Variants in MARCO observed in about 807,000 individuals in gnomAD.
The protein encoded by MARCO is macrophage receptor MARCO.
Under a neutral mutation model 70.0 loss-of-function variants are expected in MARCO, and 72 were observed. The observed-to-expected ratio is 1.03, with a 90% CI of 0.85 to 1.25. MARCO has a LOEUF of 1.25. MARCO is among the 50% of genes most tolerant of loss of function. The probability of loss-of-function intolerance (pLI) is 0.00; values close to 1 mark genes in which losing one functional copy is unlikely to be tolerated. For missense variants in MARCO, 696 were observed against 659.3 expected (o/e 1.06, Z -0.61); for synonymous variants, 273 against 243.1 (o/e 1.12, Z -1.14).
At chr2:118,965,222 T>C (rs1477776083) in intron 1 of MARCO, among the ~76,000 whole-genome samples, 2 of 152,192 alleles carry the variant, frequency 1.3e-5, no homozygotes, top group Admixed American at 1.3e-4. Flanking sequence ...TCTGAGGCTC[T>C]GTTCATGTGT....
Position 118,981,332 on chromosome 2 carries a change from T to C in MARCO, c.767-77T>C, listed in dbSNP as rs1680383923. 10 of 909,278 alleles carry C rather than the reference T, an allele frequency of 1.1e-5. No homozygotes were observed. In the South Asian group the frequency reaches 1.5e-4, roughly 14 times the overall value. The allele number at this position is 909,278 out of a possible 1,614,324, so 56.3% of individuals were successfully genotyped here. A position where few individuals can be genotyped will look rare whatever the true frequency, so the allele number is the denominator to read the frequency against. On this transcript the variant is annotated intron_variant, in intron 8 of 16. Transcript: ENST00000327097. Reference sequence around the variant, plus strand: ...TTTAGGGTTTGGGATTTCAGTGGAATGGGAAGTGTCAGAGGAGGACATGGT... The same window carrying C: ...TTTAGGGTTTGGGATTTCAGTGGAACGGGAAGTGTCAGAGGAGGACATGGT...
chr2:118,945,165 C>A (rs1190492982), intron 1 of MARCO, among the ~76,000 whole-genome samples: 1 of 152,170 alleles, frequency 6.6e-6, no homozygotes, highest in Non-Finnish European at 1.5e-5. Context: ...CTCTTTTGCC[C>A]CATCATCCAC....
chr2:118,972,225 C>A (rs1375841231), intron 4 of MARCO, among the ~76,000 whole-genome samples: 2 of 152,196 alleles, frequency 1.3e-5, no homozygotes, highest in Non-Finnish European at 1.5e-5. Flanking sequence ...TTTCTTCCTG[C>A]CTCAACCCAC....
At chr2:118,946,464 G>A (rs753034616) in intron 1 of MARCO, among the ~76,000 whole-genome samples, 8 of 151,950 alleles carry the variant, frequency 5.3e-5, no homozygotes, top group Non-Finnish European at 8.8e-5. Flanking sequence ...TTCACATAGT[G>A]TAATTCCTTT....
At chr2:118,980,160 C>T (rs948866928) in intron 8 of MARCO, among the ~76,000 whole-genome samples, 1 of 152,248 alleles carries the variant, frequency 6.6e-6, no homozygotes, top group African/African-American at 2.4e-5. Context: ...AAAAAGGCAC[C>T]AACAGATTCC....
chr2:118,975,439 A>G (rs1680261293), intron 6 of MARCO, among the ~76,000 whole-genome samples: 1 of 152,224 alleles, frequency 6.6e-6, no homozygotes, highest in African/African-American at 2.4e-5. Context: ...CACCAGTTAC[A>G]AGAAAGGAAA....
rs1399369530 is a variant in MARCO at position 118,942,236 on chromosome 2, G to A, written c.-65G>A. 3.0e-6 allele frequency: 3 copies of A among 1,010,298 alleles called. No homozygotes were observed. Among genetic ancestry groups the A allele is most frequent in the Non-Finnish European group, 4.7e-6 (3 of 641,380 alleles). 62.6% of individuals were successfully genotyped at this position (1,010,298 alleles called of 1,614,324 possible). On this transcript the variant is annotated 5_prime_UTR_variant, in exon 1 of 17. It adds an upstream start codon to the 5' untranslated region. Transcript: ENST00000327097. ...TTCGATGGGAAGGATCTTTCTCCAAGTGGTTCCTCTTGAGGGGAGCATTTC... is the reference window on the plus strand; with the variant it reads ...TTCGATGGGAAGGATCTTTCTCCAAATGGTTCCTCTTGAGGGGAGCATTTC...
chr2:118,990,700 A>G, intron 13 of MARCO, 67 bp downstream of exon 13: 2 of 1,507,222 alleles, frequency 1.3e-6, no homozygotes, highest in Non-Finnish European at 1.8e-6. Flanking sequence ...CTCAGAGGGC[A>G]GGTCTTGTTG....
At chr2:118,963,088 T>A (rs1679979662) in intron 1 of MARCO, among the ~76,000 whole-genome samples, 1 of 151,610 alleles carries the variant, frequency 6.6e-6, no homozygotes. Context: ...CTTCCTATTT[T>A]AAATTTTATT....
At position 118,974,410 on chromosome 2, in the gene MARCO, A is replaced by G; in HGVS notation, c.538A>G (p.Lys180Glu). The G allele has an allele frequency of 1.9e-6, 3 of 1,612,880 alleles. No homozygotes were observed. The highest frequency in any genetic ancestry group is 2.5e-6 in the Non-Finnish European group (3 of 1,179,626). ...PPGPPAEKGA[K>E]GAMGRDGATG... Reference sequence around the variant, plus strand: ...GGGACCACCTGCTGAGAAGGGAGCCAAGGGGGCTATGGGACGAGATGGAGC... The same window carrying G: ...GGGACCACCTGCTGAGAAGGGAGCCGAGGGGGCTATGGGACGAGATGGAGC... Residue 180 changes from lysine to glutamate, a missense_variant, in exon 5 of 17, where the codon AAG becomes GAG. This residue lies in a region of MARCO where 605 missense variants were observed against 537.6 expected (regional missense o/e 1.13). Transcript: ENST00000327097.
chr2:118,967,246 C>T (rs999797364), intron 1 of MARCO, among the ~76,000 whole-genome samples: 8 of 152,140 alleles, frequency 5.3e-5, no homozygotes, highest in Middle Eastern at 3.2e-3. Flanking sequence ...ACTGAACTTC[C>T]GAAGGATGAG....
At position 118,990,569 on chromosome 2, in the gene MARCO, C is replaced by CGGGGGGGGG; in HGVS notation, c.1064-20_1064-19insGGGGGGGGG. On this transcript the variant is annotated intron_variant, in intron 12 of 16. Transcript: ENST00000327097. ...AGTTTTATTATCTCCTCCCCCCCCC[C>CGGGGGGGGG]TTTTTTGTTTTGATCTTAGGACTTC... The CGGGGGGGGG allele has an allele frequency of 1.7e-5, 24 of 1,415,760 alleles. No individual in the cohort carries two copies. Among genetic ancestry groups the CGGGGGGGGG allele is most frequent in the Non-Finnish European group, 2.0e-5 (21 of 1,028,134 alleles). 87.7% of individuals were successfully genotyped at this position (1,415,760 alleles called of 1,614,324 possible). A position where few individuals can be genotyped will look rare whatever the true frequency, so the allele number is the denominator to read the frequency against.
chr2:118,957,618 A>G (rs1012479125), intron 1 of MARCO, among the ~76,000 whole-genome samples: 1 of 152,166 alleles, frequency 6.6e-6, no homozygotes, highest in African/African-American at 2.4e-5. Flanking sequence ...ACACTATTCC[A>G]CAAGACAGAG....
chr2:118,986,684 A>AAG (rs1558671831), intron 12 of MARCO, among the ~76,000 whole-genome samples: 3 of 62,950 alleles, frequency 4.8e-5, no homozygotes, highest in Non-Finnish European at 9.4e-5. Flanking sequence ...AAAGAAAGAA[A>AAG]GAAAGAAAGA....
At chr2:118,973,548 G>A (rs1032827502) in intron 4 of MARCO, among the ~76,000 whole-genome samples, 1 of 152,192 alleles carries the variant, frequency 6.6e-6, no homozygotes, top group African/African-American at 2.4e-5. Context: ...CCCACCCAGG[G>A]AGGCTGTGTT....
At chr2:118,942,767 C>T (rs982709886) in intron 1 of MARCO, among the ~76,000 whole-genome samples, 4 of 152,056 alleles carry the variant, frequency 2.6e-5, no homozygotes, top group East Asian at 3.9e-4. Context: ...AAGGGGACCA[C>T]AAAACTGAAG....
At position 118,994,330 on chromosome 2, in the gene MARCO, T is replaced by C; in HGVS notation, c.1430-57T>C. On this transcript the variant is annotated intron_variant, in intron 16 of 16. Coordinates refer to ENST00000327097, the MANE Select transcript of MARCO (RefSeq NM_006770.4). ...GCTCCCAGGCGCACACGTGGCTTCT[T>C]TGCTTTGACTCTAATCCTACCCTTC... The C allele has an allele frequency of 3.1e-6, 5 of 1,608,544 alleles. No individual in the cohort carries two copies. In the East Asian group the frequency reaches 1.1e-4, roughly 36 times the overall value.
intron 1 of MARCO, among the ~76,000 whole-genome samples, chr2:118,943,179 T>C (rs753262124): frequency 6.6e-6 from 1 of 152,178 alleles, no homozygotes; most frequent in Non-Finnish European, 1.5e-5. Context: ...CTTTATCTCC[T>C]GGCCAGAGTG....
intron 1 of MARCO, among the ~76,000 whole-genome samples, chr2:118,965,893 T>G (rs181937390): frequency 4.1e-4 from 62 of 152,318 alleles, no homozygotes; most frequent in African/African-American, 1.3e-3. Flanking sequence ...CCTGGTGCTA[T>G]CAGGTAGGAA....
Sources: gnomAD v4.1 joint callset for allele counts (sites outside exome capture counted in the v4.1 genomes callset) on GRCh38, gnomAD v4.1.1 for gene constraint, gnomAD v4.1.1 regional missense constraint, MANE v1.5 for transcripts, NCBI Gene and HGNC (gene_info 2026-07-23, HGNC 2026-07-21) for gene names.